Variants in CREB5 observed in about 807,000 individuals in gnomAD.
CREB5 encodes the protein cAMP responsive element binding protein 5.
CREB5 carries 19 observed loss-of-function variants against 57.1 expected under a neutral mutation model. The observed-to-expected ratio is 0.33, with a 90% CI of 0.23 to 0.49. The LOEUF (loss-of-function observed/expected upper bound fraction) is 0.49, where lower values mean the gene tolerates loss of function less well. Ranked by LOEUF, CREB5 falls within the 20% of genes least tolerant of loss-of-function variation. The probability of loss-of-function intolerance (pLI) is 0.99; values close to 1 mark genes in which losing one functional copy is unlikely to be tolerated. For missense variants in CREB5, 579 were observed against 671.6 expected, an observed-to-expected ratio of 0.86 and a Z score of 1.52; for synonymous variants, 238 against 238.3, an observed-to-expected ratio of 1.00 and a Z score of 0.01.
intron 7 of CREB5, among the ~76,000 whole-genome samples, chr7:28,757,830 C>T (rs1161267461): frequency 6.6e-6 from 1 of 152,062 alleles, no homozygotes; most frequent in Non-Finnish European, 1.5e-5. Flanking sequence ...GGTTGAGCAT[C>T]CCTAATCTGA....
chr7:28,809,490 T>G, intron 9 of CREB5, 76 bp downstream of exon 9: 3 of 1,362,618 alleles, frequency 2.2e-6, no homozygotes, highest in Non-Finnish European at 2.0e-6. Flanking sequence ...GACAGGCACT[T>G]GTTGACCTAA....
At chr7:28,725,667 G>T (rs1411555904) in intron 7 of CREB5, among the ~76,000 whole-genome samples, 1 of 145,994 alleles carries the variant, frequency 6.8e-6, no homozygotes, top group Non-Finnish European at 1.5e-5. Context: ...AAAAAAGAAA[G>T]AAAGAAAGAA....
At position 28,384,807 on chromosome 7, in the gene CREB5, T is replaced by C. The variant is rs538526965; in HGVS notation, c.-25+85366T>C. On this transcript the variant is annotated intron_variant, in intron 1 of 9. Transcript: ENST00000396299. ...CCCACTGCAATGAAACAGAAAGATATTAATCTGAGTTCCTGTGAAACTCTT... is the reference window on the plus strand; with the variant it reads ...CCCACTGCAATGAAACAGAAAGATACTAATCTGAGTTCCTGTGAAACTCTT... Among the ~76,000 whole-genome samples, 10 of 152,308 alleles carry C rather than the reference T, an allele frequency of 6.6e-5. No individual in the cohort carries two copies. In the South Asian group the frequency reaches 2.1e-3, roughly 32 times the overall value.
chr7:28,376,828 T>C (rs1373020488), intron 1 of CREB5, among the ~76,000 whole-genome samples: 5 of 152,172 alleles, frequency 3.3e-5, no homozygotes, highest in Non-Finnish European at 7.4e-5. Flanking sequence ...CTGGGGCAAA[T>C]TGGCTCTGTT....
chr7:28,505,449 A>G (rs954532750), intron 3 of CREB5, among the ~76,000 whole-genome samples: 1 of 152,170 alleles, frequency 6.6e-6, no homozygotes, highest in Non-Finnish European at 1.5e-5. Flanking sequence ...TATGGTGGTG[A>G]TTTTAGGATT....
intron 5 of CREB5, among the ~76,000 whole-genome samples, chr7:28,622,969 G>A (rs1487163259): frequency 5.9e-5 from 9 of 152,076 alleles, no homozygotes; most frequent in Admixed American, 3.9e-4. Context: ...TGCAACCCCC[G>A]TCTCCCGGGT....
chr7:28,400,270 A>C (rs1467452647), intron 1 of CREB5, among the ~76,000 whole-genome samples: 1 of 152,228 alleles, frequency 6.6e-6, no homozygotes, highest in Non-Finnish European at 1.5e-5. Context: ...CAAATTACTT[A>C]GCCTCACTGA....
chr7:28,424,705 G>A (rs142998375), intron 1 of CREB5, among the ~76,000 whole-genome samples: 2 of 152,320 alleles, frequency 1.3e-5, no homozygotes, highest in East Asian at 3.9e-4. Context: ...ACTATAGTTT[G>A]CCACTCTGGC....
intron 1 of CREB5, among the ~76,000 whole-genome samples, chr7:28,302,071 C>A (rs1785105936): frequency 6.6e-6 from 1 of 151,904 alleles, no homozygotes; most frequent in Non-Finnish European, 1.5e-5. Flanking sequence ...ATTTGAGTGG[C>A]CTATGTGTCA....
chr7:28,793,069 ATT>A (rs941934309), intron 7 of CREB5, among the ~76,000 whole-genome samples: 2 of 152,082 alleles, frequency 1.3e-5, no homozygotes, highest in African/African-American at 4.8e-5. Context: ...ATCAGAGAGT[ATT>A]GCAATCCCTC....
At chr7:28,782,246 G>A (rs986781727) in intron 7 of CREB5, among the ~76,000 whole-genome samples, 1 of 152,120 alleles carries the variant, frequency 6.6e-6, no homozygotes, top group South Asian at 2.1e-4. Context: ...GGTTAACAAA[G>A]CATCTTTTCT....
chr7:28,330,910 A>G (rs1785704117), intron 1 of CREB5, among the ~76,000 whole-genome samples: 1 of 152,142 alleles, frequency 6.6e-6, no homozygotes, highest in Non-Finnish European at 1.5e-5. Context: ...TTTCTTTGCT[A>G]ATCCTGACAC....
At chr7:28,759,585 TTTTC>T (rs1435150226) in intron 7 of CREB5, among the ~76,000 whole-genome samples, 1 of 152,200 alleles carries the variant, frequency 6.6e-6, no homozygotes, top group Non-Finnish European at 1.5e-5. Context: ...GAGGGCTTAG[TTTTC>T]TTTATTTCCT....
chr7:28,535,629 G>A (rs10252967), intron 4 of CREB5, among the ~76,000 whole-genome samples: 13,281 of 151,408 alleles, frequency 0.088, 637 homozygotes, highest in African/African-American at 0.12. Flanking sequence ...GAAAGAGGGA[G>A]GAAGGAAAAA....
chr7:28,712,130 A>G (rs1002566838), intron 5 of CREB5, among the ~76,000 whole-genome samples: 3 of 152,162 alleles, frequency 2.0e-5, no homozygotes, highest in African/African-American at 7.2e-5. Flanking sequence ...CCTTCACTTT[A>G]CACATCACTC....
intron 1 of CREB5, among the ~76,000 whole-genome samples, chr7:28,327,126 G>T (rs1785622283): frequency 6.9e-6 from 1 of 145,292 alleles, no homozygotes; most frequent in Non-Finnish European, 1.5e-5. Flanking sequence ...TCCAGCCTGG[G>T]CGACAGGGTG....
At chr7:28,488,131 C>T (rs2128594035) in intron 1 of CREB5, 44 bp from the exon 2 acceptor site, 5 of 1,573,312 alleles carry the variant, frequency 3.2e-6, no homozygotes, top group East Asian at 2.2e-5. Flanking sequence ...AGAAGATATT[C>T]ATGGATTTCT....
At chr7:28,461,031 A>G (rs765355852) in intron 1 of CREB5, among the ~76,000 whole-genome samples, 1 of 152,052 alleles carries the variant, frequency 6.6e-6, no homozygotes, top group Non-Finnish European at 1.5e-5. Context: ...CCCCTCTACC[A>G]ACAACACAAA....
intron 7 of CREB5, among the ~76,000 whole-genome samples, chr7:28,777,662 G>A (rs1806738616): frequency 6.6e-6 from 1 of 152,278 alleles, no homozygotes; most frequent in African/African-American, 2.4e-5. Context: ...AAAGTTCTGG[G>A]ACTTGTGAAT....
Sources: gnomAD v4.1 joint callset for allele counts (sites outside exome capture counted in the v4.1 genomes callset) on GRCh38, gnomAD v4.1.1 for gene constraint, MANE v1.5 for transcripts, NCBI Gene and HGNC (gene_info 2026-07-23, HGNC 2026-07-21) for gene names.